Variants in NOL4 observed in about 807,000 individuals in gnomAD.
NOL4 encodes the protein nucleolar protein 4.
A neutral mutation model predicts 75.9 loss-of-function variants in NOL4; 17 were observed. The observed-to-expected ratio is 0.22, with a 90% confidence interval of 0.15 to 0.34. NOL4 has a LOEUF of 0.34. Among genes scored for constraint, NOL4 ranks in the 10% least tolerant of loss-of-function variants. The pLI is 1.00. For missense variants in NOL4, 614 were observed against 793.5 expected (o/e 0.77, Z 2.72); for synonymous variants, 292 against 289.9 (o/e 1.01, Z -0.07).
intron 5 of NOL4, among the ~76,000 whole-genome samples, chr18:34,062,913 G>A (rs1018642251): frequency 2.6e-5 from 4 of 152,020 alleles, no homozygotes; most frequent in African/African-American, 9.7e-5. Flanking sequence ...GAACTGGTTG[G>A]ACATTTTCAA....
intron 5 of NOL4, among the ~76,000 whole-genome samples, chr18:34,052,341 T>C (rs879555788): frequency 6.6e-6 from 1 of 152,046 alleles, no homozygotes; most frequent in Non-Finnish European, 1.5e-5. Context: ...TCTTTTTTTT[T>C]CTAAGATAAA....
intron 2 of NOL4, among the ~76,000 whole-genome samples, chr18:34,123,845 CT>C (rs1286837247): frequency 6.6e-6 from 1 of 151,172 alleles, no homozygotes; most frequent in African/African-American, 2.4e-5. Flanking sequence ...ACAAAATTAT[CT>C]GTAAAATATC....
intron 5 of NOL4, among the ~76,000 whole-genome samples, chr18:34,083,555 G>A (rs546466559): frequency 6.6e-6 from 1 of 152,118 alleles, no homozygotes; most frequent in African/African-American, 2.4e-5. Flanking sequence ...ACACACAGAT[G>A]GTTCTGGAAC....
chr18:33,856,815 G>A (rs1412722956), intron 10 of NOL4, among the ~76,000 whole-genome samples: 2 of 151,964 alleles, frequency 1.3e-5, no homozygotes, highest in South Asian at 2.1e-4. Context: ...ACATTCTCAT[G>A]GACAAAATTC....
chr18:33,963,225 A>T (rs534609522), intron 6 of NOL4, among the ~76,000 whole-genome samples: 33 of 152,304 alleles, frequency 2.2e-4, no homozygotes, highest in African/African-American at 7.7e-4. Context: ...ATTTTTCTTC[A>T]AACTAGTCTG....
chr18:33,861,973 A>G (rs11081831), intron 10 of NOL4, among the ~76,000 whole-genome samples: 4 of 152,050 alleles, frequency 2.6e-5, no homozygotes, highest in African/African-American at 7.2e-5. Flanking sequence ...TCAAACCTAA[A>G]CCAAAAGAAC....
chr18:33,899,572 G>A (rs1412116352), intron 9 of NOL4, among the ~76,000 whole-genome samples: 1 of 152,112 alleles, frequency 6.6e-6, no homozygotes, highest in Non-Finnish European at 1.5e-5. Flanking sequence ...TTCCTCCAGG[G>A]ACCCCTGCTA....
chr18:34,017,501 AGAT>A (rs1411749577), intron 6 of NOL4, among the ~76,000 whole-genome samples: 1 of 152,146 alleles, frequency 6.6e-6, no homozygotes, highest in Non-Finnish European at 1.5e-5. Flanking sequence ...AATTTTCAAT[AGAT>A]GATATGATAT....
intron 9 of NOL4, among the ~76,000 whole-genome samples, chr18:33,934,086 C>A (rs1012425989): frequency 2.6e-5 from 4 of 151,040 alleles, no homozygotes; most frequent in African/African-American, 9.7e-5. Flanking sequence ...CCTTGCACAT[C>A]TCCATCAGAG....
intron 5 of NOL4, among the ~76,000 whole-genome samples, chr18:34,050,698 T>G (rs1436935647): frequency 6.6e-6 from 1 of 152,108 alleles, no homozygotes; most frequent in Non-Finnish European, 1.5e-5. Context: ...TGAGCCCTAA[T>G]TTTTCAACAT....
intron 6 of NOL4, among the ~76,000 whole-genome samples, chr18:33,967,974 T>G (rs1052794985): frequency 6.6e-6 from 1 of 151,872 alleles, no homozygotes; most frequent in African/African-American, 2.4e-5. Flanking sequence ...TAGTCCCAGC[T>G]ACTTGGGGGG....
At chr18:34,109,547 T>C (rs2079482309) in intron 2 of NOL4, among the ~76,000 whole-genome samples, 2 of 151,664 alleles carry the variant, frequency 1.3e-5, no homozygotes, top group African/African-American at 4.8e-5. Context: ...ATAATATTAA[T>C]GAATTAATTT....
At chr18:33,976,059 C>T (rs2071466731) in intron 6 of NOL4, among the ~76,000 whole-genome samples, 1 of 152,074 alleles carries the variant, frequency 6.6e-6, no homozygotes, top group Admixed American at 6.6e-5. Flanking sequence ...ACAGGCAGTA[C>T]AATCACACAG....
At chr18:33,972,891 C>T (rs1444489430) in intron 6 of NOL4, among the ~76,000 whole-genome samples, 1 of 152,170 alleles carries the variant, frequency 6.6e-6, no homozygotes, top group East Asian at 1.9e-4. Context: ...AAGGTCTTGC[C>T]CCCATGTTGA....
intron 6 of NOL4, among the ~76,000 whole-genome samples, chr18:33,991,856 G>A (rs2072940762): frequency 6.6e-6 from 1 of 151,964 alleles, no homozygotes; most frequent in African/African-American, 2.4e-5. Flanking sequence ...GAACAGTGTT[G>A]CTCCAGCTAA....
chr18:33,852,954 C>T lies in NOL4; in HGVS notation c.1805G>A (p.Ser602Asn). 1 of 1,613,218 alleles carries T rather than the reference C, an allele frequency of 6.2e-7. No individual in the cohort carries two copies. Among genetic ancestry groups the T allele is most frequent in the Non-Finnish European group, 8.5e-7 (1 of 1,179,488 alleles). The change falls in exon 11 of 11, where the codon AGT (serine) becomes AAT (asparagine). Residue 602 changes from serine (S) to asparagine (N), a missense_variant. By Grantham distance (46) the Ser-to-Asn change is conservative (BLOSUM62 1). This residue lies in a region of NOL4 where 128 missense variants were observed against 159.9 expected (regional missense o/e 0.80). Coordinates refer to ENST00000261592, the MANE Select transcript of NOL4 (RefSeq NM_003787.5). The part of the protein sequence containing the change: ...SSSSNSRPQL[S>N]PTEINAVRQL... The stretch of plus-strand genomic sequence containing the variant: ...TCTCACGGCATTGATTTCAGTTGGA[C>T]TCAGCTGGGGTCTGGAGTTTGAGCT...
chr18:33,955,204 T>G (rs1003046503), intron 8 of NOL4, among the ~76,000 whole-genome samples: 1 of 152,136 alleles, frequency 6.6e-6, no homozygotes, highest in African/African-American at 2.4e-5. Context: ...ATTTTTGATA[T>G]AATTTTCAGT....
intron 1 of NOL4, among the ~76,000 whole-genome samples, chr18:34,149,359 T>A (rs2081547201): frequency 6.6e-6 from 1 of 151,652 alleles, no homozygotes; most frequent in African/African-American, 2.4e-5. Context: ...ATCTTGTGAA[T>A]AATAATCCCA....
At chr18:34,201,446 G>T (rs529326743) in intron 1 of NOL4, among the ~76,000 whole-genome samples, 1 of 151,840 alleles carries the variant, frequency 6.6e-6, no homozygotes, top group Non-Finnish European at 1.5e-5. Flanking sequence ...TACTCTTACT[G>T]TCAATGGAAA....
Sources: allele counts gnomAD v4.1 joint callset (sites outside exome capture counted in the v4.1 genomes callset), GRCh38; gene constraint gnomAD v4.1.1; regional missense constraint gnomAD v4.1.1; transcripts MANE v1.5; gene names NCBI Gene and HGNC (gene_info 2026-07-23, HGNC 2026-07-21).